The following CD46 variants were observed in gnomAD, a reference collection of about 807,000 sequenced individuals.
The protein encoded by CD46 is membrane cofactor protein.
Under a neutral mutation model 53.3 loss-of-function variants are expected in CD46, and 30 were observed. The ratio of observed to expected loss-of-function variants is 0.56; its 90% CI spans 0.42 to 0.76. The LOEUF (loss-of-function observed/expected upper bound fraction) is 0.76. Ranked by LOEUF, CD46 falls within the 30% of genes least tolerant of loss-of-function variation. The pLI, the probability that CD46 is intolerant of heterozygous loss-of-function variation, is 0.00. For missense variants in CD46, 409 were observed against 463.0 expected (o/e 0.88, Z 1.07); for synonymous variants, 142 against 152.0 (o/e 0.93, Z 0.48).
rs375896782 is a variant in CD46 at position 207,790,350 on chromosome 1, C to G, written c.*41+5C>G. On this transcript the variant is annotated splice_donor_5th_base_variant and intron_variant, in intron 12 of 12. Transcript: ENST00000367042. ...GTTTGCTTTTATCATTAAAAGGTAT[C>G]TGTTTTCTGTTGTTTATTTTCAGAT... 9 of 1,396,818 alleles carry G rather than the reference C, an allele frequency of 6.4e-6. No individual in the cohort carries two copies. The highest frequency in any genetic ancestry group is 9.1e-6 in the Non-Finnish European group (9 of 983,802). The allele number at this position is 1,396,818 out of a possible 1,614,324, so 86.5% of individuals were successfully genotyped here.
At chr1:207,789,768 C>A (rs374001248) in intron 11 of CD46, among the ~76,000 whole-genome samples, 1 of 149,320 alleles carries the variant, frequency 6.7e-6, no homozygotes, top group African/African-American at 2.5e-5. Flanking sequence ...TTTGGTGGCT[C>A]ACGCCTGTAA....
chr1:207,775,911 C>CAGGG (rs938900039), intron 8 of CD46, among the ~76,000 whole-genome samples: 15 of 152,220 alleles, frequency 9.9e-5, no homozygotes, highest in Middle Eastern at 3.2e-3. Context: ...AGCTGTCAGA[C>CAGGG]AGGGACGTTT....
chr1:207,757,373 C>T (rs1655675969), intron 2 of CD46, among the ~76,000 whole-genome samples, 167 bp from the exon 3 acceptor site: 1 of 152,182 alleles, frequency 6.6e-6, no homozygotes, highest in Non-Finnish European at 1.5e-5. Flanking sequence ...AATCATTTTC[C>T]TGGCAATAGA....
Position 207,780,692 on chromosome 1 carries a change from G to T in CD46, c.944-2600G>T, listed in dbSNP as rs534784137. 2.6e-5 allele frequency among the ~76,000 whole-genome samples: 4 copies of T among 152,206 alleles called. No individual in the cohort carries two copies. In the South Asian group the frequency reaches 8.3e-4, roughly 32 times the overall value. Reference sequence around the variant, plus strand: ...CCAGCAGTGGGAACCTTTAACAAAGGTTCCAATTTTTCCACATCTCCACCA... The same window carrying T: ...CCAGCAGTGGGAACCTTTAACAAAGTTTCCAATTTTTCCACATCTCCACCA... On this transcript the variant is annotated intron_variant, in intron 8 of 12. Transcript: ENST00000367042.
chr1:207,792,590 T>G (rs1659903290), intron 12 of CD46, among the ~76,000 whole-genome samples: 2 of 152,226 alleles, frequency 1.3e-5, no homozygotes, highest in South Asian at 4.1e-4. Context: ...GTTATTAAAG[T>G]ATCCAGAATT....
chr1:207,757,748 A>C (rs1655729246), intron 3 of CD46, 106 bp downstream of exon 3: 2 of 745,662 alleles, frequency 2.7e-6, no homozygotes, highest in African/African-American at 3.5e-5. Flanking sequence ...TCTATGTGAC[A>C]AGTTATACTT....
intron 5 of CD46, among the ~76,000 whole-genome samples, chr1:207,762,134 T>C (rs753160476): frequency 3.3e-5 from 5 of 152,128 alleles, no homozygotes; most frequent in Non-Finnish European, 7.4e-5. Context: ...CCCCAAAGAA[T>C]TGGAAAGTGT....
chr1:207,774,789 G>T (rs1657913480), intron 8 of CD46, among the ~76,000 whole-genome samples: 1 of 152,192 alleles, frequency 6.6e-6, no homozygotes, highest in African/African-American at 2.4e-5. Context: ...TGGGTAACCT[G>T]ACCTTTCTCT....
chr1:207,776,398 G>T (rs1405581235), intron 8 of CD46, among the ~76,000 whole-genome samples: 2 of 152,196 alleles, frequency 1.3e-5, no homozygotes, highest in East Asian at 3.8e-4. Context: ...GATGAACCAG[G>T]TATCTCAGTT....
intron 12 of CD46, among the ~76,000 whole-genome samples, chr1:207,791,525 G>A (rs1000605266): frequency 2.0e-5 from 3 of 152,178 alleles, no homozygotes; most frequent in Admixed American, 6.5e-5. Flanking sequence ...CTGGACGAAG[G>A]GATGATTTAT....
rs138024732 is a variant in CD46 at position 207,763,771 on chromosome 1, T to C, written c.673+2325T>C. Reference sequence around the variant, plus strand: ...TTGGTACATTTCATTCTTTTAAGGTTCAAATAAGGGATTTTATTTTCCAGT... The same window carrying C: ...TTGGTACATTTCATTCTTTTAAGGTCCAAATAAGGGATTTTATTTTCCAGT... On this transcript the variant is annotated intron_variant, in intron 5 of 12. Transcript: ENST00000367042. 1.1e-3 allele frequency among the ~76,000 whole-genome samples: 161 copies of C among 152,124 alleles called. No homozygotes were observed. In the East Asian group the frequency reaches 0.026, roughly 24 times the overall value.
intron 11 of CD46, among the ~76,000 whole-genome samples, chr1:207,788,527 A>C (rs1659496795): frequency 6.6e-6 from 1 of 152,140 alleles, no homozygotes; most frequent in Non-Finnish European, 1.5e-5. Flanking sequence ...CAAAAACAAA[A>C]AACACAAAAA....
At chr1:207,761,543 T>C in intron 5 of CD46, 97 bp downstream of exon 5, 1 of 925,220 alleles carries the variant, frequency 1.1e-6, no homozygotes, top group Non-Finnish European at 1.7e-6. Context: ...GTGTATGTGC[T>C]TCCTCCTCCT....
intron 8 of CD46, among the ~76,000 whole-genome samples, chr1:207,774,725 G>T (rs1657907450): frequency 1.3e-5 from 2 of 152,158 alleles, no homozygotes; most frequent in Non-Finnish European, 2.9e-5. Flanking sequence ...TTCTTTTAAG[G>T]CTCGTAGGGT....
chr1:207,770,401 T>G (rs1657366699), intron 8 of CD46, 39 bp downstream of exon 8: 1 of 1,358,504 alleles, frequency 7.4e-7, no homozygotes, highest in Non-Finnish European at 1.0e-6. Flanking sequence ...TGTTAAGAAT[T>G]TATTTATTTA....
chr1:207,793,866 T>A lies in CD46; in HGVS notation c.*389T>A. 1 of 384,618 alleles carries A rather than the reference T, an allele frequency of 2.6e-6. No individual in the cohort carries two copies. Among genetic ancestry groups the A allele is most frequent in the Non-Finnish European group, 4.7e-6 (1 of 211,268 alleles). The allele number at this position is 384,618 out of a possible 1,614,324, so 23.8% of individuals were successfully genotyped here. ...TATTAAAGCAGGGATATGCTGTATT[T>A]TATAAAATTGGCAAAATTAGAGAAA... On this transcript the variant is annotated 3_prime_UTR_variant, in exon 13 of 13. Coordinates refer to ENST00000367042, the MANE Select transcript of CD46 (RefSeq NM_172351.3).
chr1:207,775,053 T>G (rs150875090), intron 8 of CD46, among the ~76,000 whole-genome samples: 42 of 152,342 alleles, frequency 2.8e-4, no homozygotes, highest in Non-Finnish European at 4.9e-4. Context: ...TTTCACATAG[T>G]CCCATATTTC....
At chr1:207,761,511 C>G in intron 5 of CD46, 65 bp downstream of exon 5, 6 of 1,308,594 alleles carry the variant, frequency 4.6e-6, no homozygotes, top group Non-Finnish European at 6.6e-6. Flanking sequence ...TAAATAGTTT[C>G]ATCTACAGAT....
At position 207,794,404 on chromosome 1, in the gene CD46, C is replaced by T. The variant is rs962405957; in HGVS notation, c.*927C>T. On this transcript the variant is annotated 3_prime_UTR_variant, in exon 13 of 13. Coordinates refer to ENST00000367042, the MANE Select transcript of CD46 (RefSeq NM_172351.3). The stretch of plus-strand genomic sequence containing the variant: ...TCCCAAAGAGAACTCCGTATGTTCT[C>T]TTAGGTTGAGTAACCCACTCTGAAT... The T allele has an allele frequency of 1.3e-5, 2 of 152,198 alleles. No individual in the cohort carries two copies. Among genetic ancestry groups the T allele is most frequent in the African/African-American group, 4.8e-5 (2 of 41,450 alleles). 9.4% of individuals were successfully genotyped at this position (152,198 alleles called of 1,614,324 possible).
Sources: allele counts gnomAD v4.1 joint callset (sites outside exome capture counted in the v4.1 genomes callset), GRCh38; gene constraint gnomAD v4.1.1; transcripts MANE v1.5; gene names NCBI Gene and HGNC (gene_info 2026-07-23, HGNC 2026-07-21).